The following KDM1B variants were observed in gnomAD, a reference collection of about 807,000 sequenced individuals.
KDM1B encodes lysine demethylase 1B.
In KDM1B, 63 loss-of-function variants were observed where a neutral mutation model predicts 107.4. That is an observed-to-expected ratio of 0.59 (90% confidence interval 0.48 to 0.72). The LOEUF (loss-of-function observed/expected upper bound fraction) is 0.72, where lower values mean the gene tolerates loss of function less well. KDM1B is among the 30% of genes least tolerant of loss of function. The probability of loss-of-function intolerance (pLI) is 0.00; values close to 1 mark genes in which losing one functional copy is unlikely to be tolerated. For synonymous variants in KDM1B, 363 were observed against 363.9 expected, an observed-to-expected ratio of 1.00 and a Z score of 0.03; for missense variants, 749 against 1,020.8, an observed-to-expected ratio of 0.73 and a Z score of 3.63.
At chr6:18,192,351 A>G (rs1294331400) in intron 10 of KDM1B, among the ~76,000 whole-genome samples, 1 of 152,210 alleles carries the variant, frequency 6.6e-6, no homozygotes, top group Non-Finnish European at 1.5e-5. Flanking sequence ...AATTCAGAAC[A>G]TTGTGCAAGA....
In KDM1B at chr6:18,208,201, C is replaced by G; in HGVS notation, c.1861C>G (p.Gln621Glu). The G allele has an allele frequency of 6.2e-7, 1 of 1,612,440 alleles. No individual in the cohort carries two copies. Among genetic ancestry groups the G allele is most frequent in the Non-Finnish European group, 8.5e-7 (1 of 1,178,810 alleles). The change falls in exon 17 of 22, where the codon CAA becomes GAA. Residue 621 changes from glutamine to glutamate, a missense_variant. Gln to Glu is a conservative substitution (Grantham distance 29). Coordinates refer to ENST00000650836, the MANE Select transcript of KDM1B (RefSeq NM_001364614.2). ...TACAGATGGCACAGGGTATTCTGCA[C>G]AAAAGGTAAGAGCTAGGGCAGTACA... is the stretch of plus-strand genomic sequence containing the variant. ...TTTDGTGYSAQKVLVTVPLAL... is the reference protein window; with the variant it reads ...TTTDGTGYSAEKVLVTVPLAL...
At position 18,187,815 on chromosome 6, in the gene KDM1B, T is replaced by C; in HGVS notation, c.597T>C (p.His199=). 1.3e-6 allele frequency: 2 copies of C among 1,550,044 alleles called. No individual in the cohort carries two copies. The highest frequency in any genetic ancestry group is 1.2e-5 in the South Asian group (1 of 84,048). The change falls in exon 9 of 22, where the codon CAT becomes CAC. Residue 199 remains histidine, a synonymous_variant. Coordinates refer to ENST00000650836, the MANE Select transcript of KDM1B (RefSeq NM_001364614.2). ...AGAGAGTATTGGAAGTTTCCAACCA[T>C]TGGTGGTACTCTATGCTCATCCTAC... The part of the protein sequence containing the change: ...EDLRVLEVSN[H]WWYSMLILPP...
chr6:18,216,624 T>C (rs1352668548), intron 20 of KDM1B, among the ~76,000 whole-genome samples: 1 of 152,216 alleles, frequency 6.6e-6, no homozygotes, highest in African/African-American at 2.4e-5. Context: ...AAATATTTGA[T>C]GGAAAATTCC....
At chr6:18,198,469 T>C (rs955049333) in intron 12 of KDM1B, among the ~76,000 whole-genome samples, 2 of 151,750 alleles carry the variant, frequency 1.3e-5, no homozygotes, top group African/African-American at 4.8e-5. Context: ...GTTAAAGCGA[T>C]CTGCCTGCCT....
intron 7 of KDM1B, among the ~76,000 whole-genome samples, chr6:18,185,362 C>A (rs189270934): frequency 6.6e-6 from 1 of 151,344 alleles, no homozygotes; most frequent in Non-Finnish European, 1.5e-5. Flanking sequence ...AGCGCAGTAG[C>A]GCAGTCTCGG....
chr6:18,191,648 A>G lies in KDM1B; in HGVS notation c.969+267A>G, dbSNP rs182065612. Among the ~76,000 whole-genome samples the G allele has an allele frequency of 3.5e-4, 53 of 152,276 alleles. No individual in the cohort carries two copies. Among genetic ancestry groups the G allele is most frequent in the Non-Finnish European group, 6.8e-4 (46 of 68,024 alleles). On this transcript the variant is annotated intron_variant, in intron 10 of 21. Coordinates refer to ENST00000650836, the MANE Select transcript of KDM1B (RefSeq NM_001364614.2). This position sits in a 1 kb window ranked among gnomAD's most constrained non-coding sequence, Gnocchi z 5.1. ...CGTCTATAGACATTTCCAAATGGGGACAGAATCACCCCTTGTTGAAAACCA... is the reference window on the plus strand; with the variant it reads ...CGTCTATAGACATTTCCAAATGGGGGCAGAATCACCCCTTGTTGAAAACCA...
At chr6:18,169,625 C>T (rs1414942017) in intron 6 of KDM1B, among the ~76,000 whole-genome samples, 4 of 152,018 alleles carry the variant, frequency 2.6e-5, no homozygotes, top group Non-Finnish European at 5.9e-5. Context: ...CCATTGATGC[C>T]CAAAGGTTTT....
chr6:18,170,293 A>G (rs7744164), intron 6 of KDM1B, among the ~76,000 whole-genome samples: 86,071 of 152,026 alleles, frequency 0.57, 24,450 homozygotes, highest in African/African-American at 0.62. Context: ...GTCATCTTAC[A>G]TACCATGATT....
In KDM1B at chr6:18,215,010, A is replaced by C. The variant is rs770263377; in HGVS notation, c.2113A>C (p.Lys705Gln). 12 of 1,613,806 alleles carry C rather than the reference A, an allele frequency of 7.4e-6. No homozygotes were observed. Among genetic ancestry groups the C allele is most frequent in the East Asian group, 2.2e-5 (1 of 44,862 alleles). The change falls in exon 20 of 22, where the codon AAG becomes CAG. Residue 705 changes from lysine (K) to glutamine (Q), a missense_variant. Physicochemically the swap from Lys to Gln is moderately conservative, Grantham distance 53 (BLOSUM62 1). Transcript: ENST00000650836. ...GCTTTTCCTTTCATGTCTCCAGAAGAAGCACAGCGTGCTGATGTCTGTGAT... is the reference window on the plus strand; with the variant it reads ...GCTTTTCCTTTCATGTCTCCAGAAGCAGCACAGCGTGCTGATGTCTGTGAT... ...AVFYDMDPQKKHSVLMSVIAG... is the reference protein window; with the variant it reads ...AVFYDMDPQKQHSVLMSVIAG...
chr6:18,161,247 G>A, intron 3 of KDM1B, 80 bp from the exon 4 acceptor site: 1 of 1,339,072 alleles, frequency 7.5e-7, no homozygotes, highest in South Asian at 1.2e-5. Flanking sequence ...GAACTCAGCT[G>A]TGATTTCAGT....
At chr6:18,219,205 A>G (rs941072316) in intron 21 of KDM1B, among the ~76,000 whole-genome samples, 1 of 152,042 alleles carries the variant, frequency 6.6e-6, no homozygotes, top group Non-Finnish European at 1.5e-5. Flanking sequence ...CCTGGCCTGG[A>G]TCTCTTTTAA....
chr6:18,199,699 C>CT (rs10706835), intron 12 of KDM1B, among the ~76,000 whole-genome samples: 1,572 of 139,334 alleles, frequency 0.011, 12 homozygotes, highest in Middle Eastern at 0.027. Context: ...GAGTGGCATA[C>CT]TTTTTTTTTT....
intron 7 of KDM1B, among the ~76,000 whole-genome samples, chr6:18,179,287 C>T (rs1489758215): frequency 6.6e-6 from 1 of 151,968 alleles, no homozygotes; most frequent in Non-Finnish European, 1.5e-5. Flanking sequence ...TTATATATTC[C>T]CAGATTTGAT....
chr6:18,196,732 A>G (rs1787677051), intron 10 of KDM1B, among the ~76,000 whole-genome samples: 1 of 152,246 alleles, frequency 6.6e-6, no homozygotes, highest in Admixed American at 6.5e-5. Context: ...CTATTTACAT[A>G]GCATTTACAT....
intron 10 of KDM1B, among the ~76,000 whole-genome samples, chr6:18,195,190 A>C (rs984619138): frequency 3.3e-5 from 5 of 152,124 alleles, no homozygotes; most frequent in Non-Finnish European, 5.9e-5. Flanking sequence ...TCGTCCACTG[A>C]TGGGCTTTGA....
In KDM1B at chr6:18,197,389, A is replaced by T. The variant is rs1345494942; in HGVS notation, c.1146+156A>T. Among the ~76,000 whole-genome samples the T allele has an allele frequency of 6.6e-6, 1 of 152,166 alleles. No homozygotes were observed. Among genetic ancestry groups the T allele is most frequent in the African/African-American group, 2.4e-5 (1 of 41,436 alleles). ...GTGTTTCTCCTGAAAGGAGAATATC[A>T]AGCACTCTTTCCCCAGATTGTAGGG... On this transcript the variant is annotated intron_variant, in intron 11 of 21. Coordinates refer to ENST00000650836, the MANE Select transcript of KDM1B (RefSeq NM_001364614.2). The surrounding 1 kb of genome is among the most constrained non-coding windows in gnomAD (Gnocchi z 4.5).
intron 9 of KDM1B, among the ~76,000 whole-genome samples, chr6:18,188,793 T>C (rs1394915345): frequency 2.6e-5 from 4 of 151,120 alleles, no homozygotes; most frequent in African/African-American, 9.7e-5. Flanking sequence ...TTTTTTTTTT[T>C]TTCTTTTTGA....
At chr6:18,190,374 C>T (rs1408159467) in intron 9 of KDM1B, among the ~76,000 whole-genome samples, 9 of 149,912 alleles carry the variant, frequency 6.0e-5, no homozygotes, top group Non-Finnish European at 1.2e-4. Context: ...AGGTGGATCA[C>T]GAGGTCAGGA....
intron 12 of KDM1B, among the ~76,000 whole-genome samples, chr6:18,198,871 A>AC (rs1439304320): frequency 5.3e-5 from 8 of 151,438 alleles, no homozygotes; most frequent in Non-Finnish European, 1.2e-4. Context: ...TATACTAAAA[A>AC]AAAAACTAGA....
Sources: gnomAD v4.1 joint callset for allele counts (sites outside exome capture counted in the v4.1 genomes callset) on GRCh38, gnomAD v4.1.1 for gene constraint, Gnocchi (gnomAD v3.1) non-coding constraint, MANE v1.5 for transcripts, NCBI Gene and HGNC (gene_info 2026-07-23, HGNC 2026-07-21) for gene names.